ACOT1: variants seen among roughly 807,000 people sequenced by gnomAD.
ACOT1 encodes the protein acyl-CoA thioesterase 1.
Under a neutral mutation model 15.7 loss-of-function variants are expected in ACOT1, and 8 were observed. The observed-to-expected ratio is 0.51, with a 90% CI of 0.30 to 0.92. ACOT1 has a LOEUF of 0.92. Ranked by LOEUF, ACOT1 falls within the 40% of genes least tolerant of loss-of-function variation. The probability of loss-of-function intolerance (pLI) is 0.06; values close to 1 mark genes in which losing one functional copy is unlikely to be tolerated. For synonymous variants in ACOT1, 67 were observed against 241.2 expected (o/e 0.28, Z 6.69); for missense variants, 151 against 539.4 (o/e 0.28, Z 7.13).
the ACOT1 span, chr14:73,493,035 C>G: frequency 7.4e-5 from 116 of 1,558,620 alleles, no homozygotes; most frequent in Non-Finnish European, 9.9e-5. Flanking sequence ...CACGTTCTTA[C>G]CTTGATAAGC....
At chr14:73,535,685 T>C (rs1888846040), upstream of ACOT1, among the ~76,000 whole-genome samples, 1 of 111,746 alleles carries the variant, frequency 8.9e-6, no homozygotes, top group Non-Finnish European at 1.9e-5. Context: ...TTCACTGTGT[T>C]AGCCAGGATG....
chr14:73,522,636 C>G, the ACOT1 span: 4 of 1,614,230 alleles, frequency 2.5e-6, no homozygotes, highest in Non-Finnish European at 3.4e-6. Context: ...CCCAGCATAT[C>G]TGGATGCATG....
chr14:73,523,066 T>A, the ACOT1 span: 3 of 1,613,662 alleles, frequency 1.9e-6, no homozygotes, highest in Non-Finnish European at 2.5e-6. Flanking sequence ...TTGAGTAGTT[T>A]AAAATCATGC....
the ACOT1 span, chr14:73,522,839 GT>G: frequency 1.9e-6 from 3 of 1,614,224 alleles, no homozygotes; most frequent in African/African-American, 4.0e-5. Context: ...GATCTGGGGA[GT>G]ATGGATGATG....
the ACOT1 span, among the ~76,000 whole-genome samples, chr14:73,511,520 AAAAT>A: frequency 0.1 from 14,485 of 141,522 alleles, 838 homozygotes; most frequent in Admixed American, 0.14. Flanking sequence ...CTCTGTCTCA[AAAAT>A]AAATAAATAA....
the ACOT1 span, among the ~76,000 whole-genome samples, chr14:73,525,968 A>T: frequency 2.9e-5 from 4 of 139,004 alleles, no homozygotes; most frequent in South Asian, 6.8e-4. Flanking sequence ...AAAAAAAAAA[A>T]GCATCTTCAT....
At chr14:73,491,094 G>A in the ACOT1 span, 3 of 1,600,836 alleles carry the variant, frequency 1.9e-6, no homozygotes, top group South Asian at 3.4e-5. Flanking sequence ...CAGCCACACA[G>A]CGGGTCGGTC....
In ACOT1 at chr14:73,537,497, C is replaced by A; in HGVS notation, c.76C>A (p.Leu26Ile). Reference protein sequence around the residue: ...DEPVRIAVRGLAPEQPVTLRA... With the variant: ...DEPVRIAVRGIAPEQPVTLRA... ...ACCGGTGCGAATCGCCGTGCGCGGC[C>A]TAGCCCCGGAGCAGCCGGTCACGCT... The change falls in exon 1 of 3, where the codon CTA (leucine) becomes ATA (isoleucine). Residue 26 changes from leucine (L) to isoleucine (I), a missense_variant. Coordinates refer to ENST00000311148, the MANE Select transcript of ACOT1 (RefSeq NM_001037161.2). The A allele has an allele frequency of 8.2e-7, 1 of 1,219,226 alleles. No individual in the cohort carries two copies. Among genetic ancestry groups the A allele is most frequent in the Non-Finnish European group, 1.1e-6 (1 of 924,506 alleles). 75.5% of individuals were successfully genotyped at this position (1,219,226 alleles called of 1,614,324 possible). A position where few individuals can be genotyped will look rare whatever the true frequency, so the allele number is the denominator to read the frequency against.
chr14:73,526,881 GGT>G, the ACOT1 span, among the ~76,000 whole-genome samples: 1 of 152,036 alleles, frequency 6.6e-6, no homozygotes. Flanking sequence ...TGCCATCTGT[GGT>G]GGCCATGGGA....
At chr14:73,522,483 G>A in the ACOT1 span, 16 of 1,614,214 alleles carry the variant, frequency 9.9e-6, no homozygotes, top group Admixed American at 1.7e-5. Flanking sequence ...CCAGGCCTTC[G>A]AGGACGCTTG....
At chr14:73,510,835 G>C in the ACOT1 span, among the ~76,000 whole-genome samples, 262 of 152,260 alleles carry the variant, frequency 1.7e-3, 1 homozygote, top group African/African-American at 6.0e-3. Context: ...TGCTTTACAG[G>C]AACTAATATC....
the ACOT1 span, chr14:73,495,334 C>T: frequency 1.2e-6 from 2 of 1,614,014 alleles, no homozygotes; most frequent in East Asian, 2.2e-5. Context: ...CCATGACCAT[C>T]TCCAGCTTGA....
At chr14:73,504,076 C>CTTT in the ACOT1 span, among the ~76,000 whole-genome samples, 1 of 127,758 alleles carries the variant, frequency 7.8e-6, no homozygotes, top group African/African-American at 2.9e-5. Flanking sequence ...TTTTGCATTT[C>CTTT]TTTTTTTTTT....
At chr14:73,496,060 G>T in the ACOT1 span, among the ~76,000 whole-genome samples, 3 of 151,768 alleles carry the variant, frequency 2.0e-5, no homozygotes, top group Non-Finnish European at 2.9e-5. Flanking sequence ...AACCCAGGAG[G>T]TGGAGGTTGC....
chr14:73,498,120 A>G, the ACOT1 span: 35 of 1,566,248 alleles, frequency 2.2e-5, no homozygotes, highest in South Asian at 3.4e-4. Flanking sequence ...TTGGCAGTAT[A>G]AGGTCATGGT....
chr14:73,522,861 T>C, the ACOT1 span: 1 of 1,614,100 alleles, frequency 6.2e-7, no homozygotes, highest in Non-Finnish European at 8.5e-7. Flanking sequence ...TCATTGGTAT[T>C]GTAGAGGTGG....
At chr14:73,509,846 ATATATATATATATATATATATATTTATT>A in the ACOT1 span, among the ~76,000 whole-genome samples, 70 of 65,540 alleles carry the variant, frequency 1.1e-3, 1 homozygote, top group Admixed American at 2.1e-3. Flanking sequence ...ATATATATAT[ATATATATATATATATATATATATTTATT>A]TATTTTATAT....
At chr14:73,499,412 G>A in the ACOT1 span, among the ~76,000 whole-genome samples, 1 of 152,092 alleles carries the variant, frequency 6.6e-6, no homozygotes, top group African/African-American at 2.4e-5. Flanking sequence ...CCTGGGAGGC[G>A]GAGGTTGTAG....
At chr14:73,501,754 TTTATTA>T in the ACOT1 span, among the ~76,000 whole-genome samples, 1 of 151,162 alleles carries the variant, frequency 6.6e-6, no homozygotes, top group Admixed American at 6.6e-5. Flanking sequence ...TTTATTTTAT[TTTATTA>T]TTATTATTTT....
Sources: gnomAD v4.1 joint callset for allele counts (sites outside exome capture counted in the v4.1 genomes callset) on GRCh38, gnomAD v4.1.1 for gene constraint, MANE v1.5 for transcripts, NCBI Gene and HGNC (gene_info 2026-07-23, HGNC 2026-07-21) for gene names.